Variants in USP4 observed in about 807,000 individuals in gnomAD.
USP4 encodes the protein ubiquitin carboxyl-terminal hydrolase 4.
In USP4, 72 loss-of-function variants were observed where a neutral mutation model predicts 118.2. The observed-to-expected ratio is 0.61, with a 90% confidence interval of 0.50 to 0.74. The LOEUF is 0.74. Ranked by LOEUF, USP4 falls within the 30% of genes least tolerant of loss-of-function variation. The pLI, the probability that USP4 is intolerant of heterozygous loss-of-function variation, is 0.00. For missense variants in USP4, 1,037 were observed against 1,185.7 expected, an observed-to-expected ratio of 0.87 and a Z score of 1.84; for synonymous variants, 415 against 440.4, an observed-to-expected ratio of 0.94 and a Z score of 0.72.
At chr3:49,326,315 C>T (rs1370793939) in intron 3 of USP4, among the ~76,000 whole-genome samples, 2 of 151,858 alleles carry the variant, frequency 1.3e-5, no homozygotes, top group African/African-American at 4.8e-5. Context: ...AGACTCTGTA[C>T]CCCGCAAAAA....
At chr3:49,309,379 A>G (rs1201780047) in intron 8 of USP4, among the ~76,000 whole-genome samples, 1 of 152,154 alleles carries the variant, frequency 6.6e-6, no homozygotes. Context: ...GTGCTGTCAC[A>G]TAATATATGC....
rs1023507508 is a variant in USP4 at position 49,327,809 on chromosome 3, C to T, written c.237G>A (p.Glu79=). The T allele has an allele frequency of 6.2e-7, 1 of 1,613,592 alleles. No individual in the cohort carries two copies. Among genetic ancestry groups the T allele is most frequent in the African/African-American group, 1.3e-5 (1 of 75,014 alleles). Residue 79 remains glutamate (E), a synonymous_variant, in exon 3 of 22, where the codon GAG becomes GAA. Coordinates refer to ENST00000265560, the MANE Select transcript of USP4 (RefSeq NM_003363.4). ...TTAAGTGTTCTTTCAAGGTCTGACT[C>T]TCAGGATCTAAAAAAGGAAAAGAGC... ...IDNSGLFSDP[E]SQTLKEHLID...
chr3:49,316,360 T>A (rs1187812952), intron 6 of USP4, among the ~76,000 whole-genome samples: 1 of 152,086 alleles, frequency 6.6e-6, no homozygotes, highest in Non-Finnish European at 1.5e-5. Context: ...CAATCTCAGC[T>A]CACTGCAGAC....
At chr3:49,334,569 G>A (rs2047649917) in intron 2 of USP4, among the ~76,000 whole-genome samples, 1 of 152,112 alleles carries the variant, frequency 6.6e-6, no homozygotes, top group Non-Finnish European at 1.5e-5. Context: ...AACATAGCAA[G>A]ACCCCGTCTC....
At position 49,300,625 on chromosome 3, in the gene USP4, G is replaced by A; in HGVS notation, c.1354C>T (p.His452Tyr). 2 of 1,614,216 alleles carry A rather than the reference G, an allele frequency of 1.2e-6. No individual in the cohort carries two copies. The highest frequency in any genetic ancestry group is 8.5e-7 in the Non-Finnish European group (1 of 1,180,048). ...ACCAAAGTAGATTTGAAGAGGCCATGGAAAGTATCCACAATCACAGAATCA... is the reference window on the plus strand; with the variant it reads ...ACCAAAGTAGATTTGAAGAGGCCATAGAAAGTATCCACAATCACAGAATCA... ...RNDSVIVDTF[H>Y]GLFKSTLVCP... Residue 452 changes from histidine (H) to tyrosine (Y), a missense_variant, in exon 11 of 22, where the codon CAT becomes TAT. By Grantham distance (83) the His-to-Tyr change is moderately conservative. Transcript: ENST00000265560.
At chr3:49,334,794 G>A (rs1052490340) in intron 2 of USP4, among the ~76,000 whole-genome samples, 1 of 152,140 alleles carries the variant, frequency 6.6e-6, no homozygotes, top group Admixed American at 6.5e-5. Context: ...TGAGATTACA[G>A]GCGTGAGACA....
chr3:49,280,559 CAAAAAAAAA>C (rs371988656), intron 20 of USP4, among the ~76,000 whole-genome samples, 176 bp downstream of exon 20: 2 of 52,568 alleles, frequency 3.8e-5, no homozygotes, highest in East Asian at 1.2e-3. Context: ...GACTCCGTCT[CAAAAAAAAA>C]AAAAAAAAAA....
intron 11 of USP4, among the ~76,000 whole-genome samples, chr3:49,299,092 TTTTTC>T (rs1212735395): frequency 6.6e-6 from 1 of 151,576 alleles, no homozygotes; most frequent in African/African-American, 2.4e-5. Flanking sequence ...TTTTTTTTCT[TTTTTC>T]TTTTTTTTCT....
chr3:49,337,276 C>CA (rs887279909), intron 1 of USP4, among the ~76,000 whole-genome samples: 205 of 128,958 alleles, frequency 1.6e-3, no homozygotes, highest in Non-Finnish European at 2.3e-3. Context: ...AAAACCCTGT[C>CA]AAAAAAAAAA....
At chr3:49,316,289 AAC>A (rs1243668634) in intron 6 of USP4, among the ~76,000 whole-genome samples, 1 of 145,026 alleles carries the variant, frequency 6.9e-6, no homozygotes, top group African/African-American at 2.9e-5. Flanking sequence ...CTTTTAATTT[AAC>A]TTTATTTATT....
intron 6 of USP4, chr3:49,317,089 TC>T: frequency 1.5e-6 from 2 of 1,310,452 alleles, no homozygotes; most frequent in Non-Finnish European, 2.2e-6. Flanking sequence ...TGGTCAGCTG[TC>T]CCTGCCACCA....
rs1222938835 is a variant in USP4 at position 49,330,115 on chromosome 3, G to A, written c.230-2299C>T. Among the ~76,000 whole-genome samples the A allele has an allele frequency of 3.3e-5, 5 of 151,920 alleles. No homozygotes were observed. The East Asian group carries it at 9.7e-4, about 29-fold the overall frequency. Reference sequence around the variant, plus strand: ...GAACCTGGGAGGGAGAGGTTGCAGGGAGCCAAGACTGAGCCACTGCACTCC... The same window carrying A: ...GAACCTGGGAGGGAGAGGTTGCAGGAAGCCAAGACTGAGCCACTGCACTCC... On this transcript the variant is annotated intron_variant, in intron 2 of 21. Transcript: ENST00000265560.
chr3:49,319,408 C>T (rs1459479513), intron 6 of USP4, among the ~76,000 whole-genome samples: 1 of 151,546 alleles, frequency 6.6e-6, no homozygotes, highest in African/African-American at 2.4e-5. Context: ...GCCATCACAC[C>T]CAGCTAATTT....
intron 8 of USP4, among the ~76,000 whole-genome samples, chr3:49,308,211 G>A (rs2047339961): frequency 6.6e-6 from 1 of 152,136 alleles, no homozygotes; most frequent in East Asian, 1.9e-4. Flanking sequence ...TCTAGTCCTA[G>A]GGTGAGAAGG....
intron 20 of USP4, 137 bp from the exon 21 acceptor site, chr3:49,279,039 TAAC>T (rs1318751870): frequency 4.2e-6 from 2 of 480,240 alleles, no homozygotes; most frequent in Non-Finnish European, 7.3e-6. Flanking sequence ...GTGTGTGTCT[TAAC>T]AACCAAAAAA....
intron 6 of USP4, among the ~76,000 whole-genome samples, chr3:49,318,078 C>T (rs1292604573): frequency 6.6e-5 from 10 of 152,208 alleles, no homozygotes; most frequent in Admixed American, 5.2e-4. Context: ...TTAGGTGATC[C>T]GCCCGCCTTG....
Position 49,310,646 on chromosome 3 carries a change from T to A in USP4, c.928A>T (p.Thr310Ser), listed in dbSNP as rs1254435935. The change falls in exon 8 of 22, where the codon ACC (threonine) becomes TCC (serine). Residue 310 changes from threonine to serine, a missense_variant. Physicochemically the swap from Thr to Ser is moderately conservative, Grantham distance 58. Around this residue, in one of 3 missense-constraint regions of USP4, gnomAD observed 487 missense variants for 534.1 expected, o/e 0.91. Coordinates refer to ENST00000265560, the MANE Select transcript of USP4 (RefSeq NM_003363.4). ...TGCAAAGCGGAGTTCATGAAGCAGG[T>A]GTTTCCCAGGTTTCCAAGTCCACAG... ...GLCGLGNLGN[T>S]CFMNSALQCL... The A allele has an allele frequency of 6.2e-7, 1 of 1,613,978 alleles. No homozygotes were observed. Among genetic ancestry groups the A allele is most frequent in the Non-Finnish European group, 8.5e-7 (1 of 1,179,974 alleles).
At chr3:49,279,899 C>T (rs2046999594) in intron 20 of USP4, among the ~76,000 whole-genome samples, 1 of 152,186 alleles carries the variant, frequency 6.6e-6, no homozygotes, top group Admixed American at 6.5e-5. Flanking sequence ...AGCCTAACCT[C>T]ATGGATGAGA....
At chr3:49,280,027 C>T (rs554790454) in intron 20 of USP4, among the ~76,000 whole-genome samples, 4 of 152,260 alleles carry the variant, frequency 2.6e-5, no homozygotes, top group African/African-American at 9.6e-5. Context: ...TTTGGGAGGC[C>T]AAGGCAGGGT....
Sources: gnomAD v4.1 joint callset for allele counts (sites outside exome capture counted in the v4.1 genomes callset) on GRCh38, gnomAD v4.1.1 for gene constraint, gnomAD v4.1.1 regional missense constraint, MANE v1.5 for transcripts, NCBI Gene and HGNC (gene_info 2026-07-23, HGNC 2026-07-21) for gene names.